The following KCND3 variants were observed in gnomAD, a reference collection of about 807,000 sequenced individuals.
KCND3 encodes potassium voltage-gated channel subfamily D member 3.
A neutral mutation model predicts 51.1 loss-of-function variants in KCND3; 9 were observed. The observed-to-expected ratio is 0.18, with a 90% CI of 0.11 to 0.31. The LOEUF (loss-of-function observed/expected upper bound fraction) is 0.31, where lower values mean the gene tolerates loss of function less well. Ranked by LOEUF, KCND3 falls within the 10% of genes least tolerant of loss-of-function variation. KCND3 has a pLI of 1.00. For synonymous variants in KCND3, 349 were observed against 368.0 expected (o/e 0.95, Z 0.59); for missense variants, 526 against 903.8 (o/e 0.58, Z 5.36).
At chr1:111,925,776 G>A (rs1671669938) in intron 2 of KCND3, among the ~76,000 whole-genome samples, 1 of 152,030 alleles carries the variant, frequency 6.6e-6, no homozygotes, top group African/African-American at 2.4e-5. Context: ...TTGAAAGCTG[G>A]GGTGTGGTGG....
At chr1:111,978,057 G>A (rs1459410750) in intron 2 of KCND3, among the ~76,000 whole-genome samples, 1 of 152,212 alleles carries the variant, frequency 6.6e-6, no homozygotes, top group African/African-American at 2.4e-5. Flanking sequence ...GCATAGAAAA[G>A]CCATCCTCAA....
intron 2 of KCND3, among the ~76,000 whole-genome samples, chr1:111,805,866 G>A (rs563980338): frequency 6.6e-6 from 1 of 152,348 alleles, no homozygotes; most frequent in East Asian, 1.9e-4. Context: ...AGGCTCAGAG[G>A]TCTGGGACCA....
chr1:111,800,563 A>C (rs1665260972), intron 2 of KCND3, among the ~76,000 whole-genome samples: 1 of 151,858 alleles, frequency 6.6e-6, no homozygotes. Context: ...AAAAAAAAAA[A>C]AAAAAAAGAA....
chr1:111,824,258 G>A (rs572859778), intron 2 of KCND3, among the ~76,000 whole-genome samples: 20 of 152,292 alleles, frequency 1.3e-4, no homozygotes, highest in Admixed American at 3.3e-4. Context: ...GGAAAGGGCC[G>A]GTAGTTGAAG....
Position 111,823,863 on chromosome 1 carries a change from T to C in KCND3, c.1107-36757A>G, listed in dbSNP as rs1045809021. Among the ~76,000 whole-genome samples the C allele has an allele frequency of 2.0e-5, 3 of 151,988 alleles. No individual in the cohort carries two copies. In the South Asian group the frequency reaches 6.2e-4, roughly 32 times the overall value. ...ACTACATAAGCACAAATAACTATAA[T>C]CAGGAAGCATCTAAAACACTAATAT... On this transcript the variant is annotated intron_variant, in intron 2 of 7. Coordinates refer to ENST00000302127, the MANE Select transcript of KCND3 (RefSeq NM_001378969.1).
intron 2 of KCND3, among the ~76,000 whole-genome samples, chr1:111,976,888 T>G (rs1036079261): frequency 1.3e-5 from 2 of 152,230 alleles, no homozygotes; most frequent in African/African-American, 4.8e-5. Context: ...TGCCTGTGTA[T>G]TCTCAGAGGC....
chr1:111,939,311 T>C (rs1431490414), intron 2 of KCND3, among the ~76,000 whole-genome samples: 1 of 152,186 alleles, frequency 6.6e-6, no homozygotes, highest in African/African-American at 2.4e-5. Flanking sequence ...ACACATGTCA[T>C]GGTGGTTTGC....
intron 2 of KCND3, among the ~76,000 whole-genome samples, chr1:111,899,705 T>G (rs1396714829): frequency 6.6e-6 from 1 of 152,016 alleles, no homozygotes; most frequent in African/African-American, 2.4e-5. Context: ...CACATGTGAG[T>G]GTGTGGGTGT....
At chr1:111,915,746 C>CT (rs1220869416) in intron 2 of KCND3, among the ~76,000 whole-genome samples, 3 of 122,090 alleles carry the variant, frequency 2.5e-5, no homozygotes, top group African/African-American at 9.2e-5. Flanking sequence ...AAGTGAGACT[C>CT]TGTCTCAAAA....
In KCND3 at chr1:111,870,381, C is replaced by T. The variant is rs144626887; in HGVS notation, c.1107-83275G>A. ...GAGGTGGGGACTTCTCATTCTGATG[C>T]TGGACATCAGAGTCACTGTGTCACA... is the stretch of plus-strand genomic sequence containing the variant. On this transcript the variant is annotated intron_variant, in intron 2 of 7. Coordinates refer to ENST00000302127, the MANE Select transcript of KCND3 (RefSeq NM_001378969.1). Among the ~76,000 whole-genome samples, 8 of 152,328 alleles carry T rather than the reference C, an allele frequency of 5.3e-5. No individual in the cohort carries two copies. In the East Asian group the frequency reaches 1.5e-3, roughly 29 times the overall value.
At chr1:111,958,805 G>A (rs1413870644) in intron 2 of KCND3, among the ~76,000 whole-genome samples, 1 of 152,148 alleles carries the variant, frequency 6.6e-6, no homozygotes, top group Non-Finnish European at 1.5e-5. Context: ...GTTGTGGAGG[G>A]TTTTCATTGC....
chr1:111,820,095 T>C (rs1020033914), intron 2 of KCND3, among the ~76,000 whole-genome samples: 4 of 152,230 alleles, frequency 2.6e-5, no homozygotes, highest in Admixed American at 2.0e-4. Flanking sequence ...TCATGCTCTG[T>C]GGTCCAAATG....
intron 2 of KCND3, among the ~76,000 whole-genome samples, chr1:111,904,189 TTACTC>T (rs1222246711): frequency 1.3e-4 from 19 of 151,498 alleles, no homozygotes; most frequent in Admixed American, 8.5e-4. Context: ...CAAAGGGACA[TTACTC>T]TAGGACCCGG....
At chr1:111,847,202 G>A (rs761145445) in intron 2 of KCND3, among the ~76,000 whole-genome samples, 5 of 152,210 alleles carry the variant, frequency 3.3e-5, no homozygotes, top group Non-Finnish European at 7.3e-5. Context: ...AGGGGCAGCA[G>A]GGCCATCTTC....
intron 2 of KCND3, among the ~76,000 whole-genome samples, chr1:111,803,591 C>A (rs755884561): frequency 1.3e-5 from 2 of 152,184 alleles, no homozygotes; most frequent in Non-Finnish European, 2.9e-5. Flanking sequence ...ACACTCACAC[C>A]AGGTCGGAGA....
chr1:111,873,468 A>C (rs907194261), intron 2 of KCND3, among the ~76,000 whole-genome samples: 2 of 152,182 alleles, frequency 1.3e-5, no homozygotes, highest in East Asian at 3.9e-4. Context: ...GTCTTACACC[A>C]GTAGCCCTAC....
chr1:111,950,048 T>C (rs183019899), intron 2 of KCND3, among the ~76,000 whole-genome samples: 12 of 152,234 alleles, frequency 7.9e-5, no homozygotes. Flanking sequence ...GTAGCTGGGA[T>C]TACAGGTGCA....
chr1:111,923,436 A>G (rs1671565178), intron 2 of KCND3, among the ~76,000 whole-genome samples: 1 of 152,176 alleles, frequency 6.6e-6, no homozygotes, highest in Non-Finnish European at 1.5e-5. Context: ...ATCTTCCCAA[A>G]GTGACTTCCT....
rs543319949 is a variant in KCND3, at chr1:111,931,715, G to A, written c.1106+49906C>T. Among the ~76,000 whole-genome samples the A allele has an allele frequency of 5.3e-5, 8 of 152,296 alleles. No homozygotes were observed. In the East Asian group the frequency reaches 1.2e-3, roughly 22 times the overall value. On this transcript the variant is annotated intron_variant, in intron 2 of 7. Transcript: ENST00000302127. Reference sequence around the variant, plus strand: ...TAGGGCAGCATCGGCATAGTGCTGCGTAAGTGCTTGCTAGCATGATTATCA... The same window carrying A: ...TAGGGCAGCATCGGCATAGTGCTGCATAAGTGCTTGCTAGCATGATTATCA...
Sources: gnomAD v4.1 joint callset for allele counts (sites outside exome capture counted in the v4.1 genomes callset) on GRCh38, gnomAD v4.1.1 for gene constraint, MANE v1.5 for transcripts, NCBI Gene and HGNC (gene_info 2026-07-23, HGNC 2026-07-21) for gene names.